USP35: variants seen among roughly 807,000 people sequenced by gnomAD.
USP35 encodes ubiquitin specific peptidase 35.
A neutral mutation model predicts 83.8 loss-of-function variants in USP35; 69 were observed. The ratio of observed to expected loss-of-function variants is 0.82; its 90% CI spans 0.68 to 1.01. The LOEUF (loss-of-function observed/expected upper bound fraction) is 1.01. Among genes scored for constraint, USP35 ranks in the 50% least tolerant of loss-of-function variants. USP35 has a pLI of 0.00. For missense variants in USP35, 1,503 were observed against 1,362.5 expected (o/e 1.10, Z -1.62); for synonymous variants, 714 against 589.5 (o/e 1.21, Z -3.06).
chr11:78,219,314 G>A (rs145964223), downstream of USP35: 376 of 1,613,952 alleles, frequency 2.3e-4, no homozygotes, highest in African/African-American at 4.4e-3. Flanking sequence ...ACTGCCGCAC[G>A]TCTGTCCACT....
At chr11:78,193,155 A>G (rs973020116) in intron 1 of USP35, among the ~76,000 whole-genome samples, 1 of 152,122 alleles carries the variant, frequency 6.6e-6, no homozygotes, top group East Asian at 1.9e-4. Flanking sequence ...CACTGCCTAG[A>G]AAGGGGACCA....
Position 78,196,603 on chromosome 11 carries a change from G to C in USP35, c.358G>C (p.Val120Leu). Residue 120 changes from valine (V) to leucine (L), a missense_variant, in exon 2 of 11, where the codon GTG becomes CTG. By Grantham distance (32) the Val-to-Leu change is conservative. Coordinates refer to ENST00000529308, the MANE Select transcript of USP35 (RefSeq NM_020798.4). The surrounding 1 kb of genome is among the most constrained non-coding windows in gnomAD (Gnocchi z 4.8). Reference sequence around the variant, plus strand: ...GCCCGAGGGGCCTGCGGCCGACGAGGTGTTCGCGCTGCTGCGGCGCGAGGT... The same window carrying C: ...GCCCGAGGGGCCTGCGGCCGACGAGCTGTTCGCGCTGCTGCGGCGCGAGGT... ...LLPEGPAADE[V>L]FALLRREVLR... 1 of 1,276,656 alleles carries C rather than the reference G, an allele frequency of 7.8e-7. No individual in the cohort carries two copies. Among genetic ancestry groups the C allele is most frequent in the Non-Finnish European group, 9.9e-7 (1 of 1,012,662 alleles). The allele number at this position is 1,276,656 out of a possible 1,614,324, so 79.1% of individuals were successfully genotyped here. A position where few individuals can be genotyped will look rare whatever the true frequency, so the allele number is the denominator to read the frequency against.
chr11:78,198,179 C>G, intron 3 of USP35, 111 bp downstream of exon 3: 2 of 1,484,712 alleles, frequency 1.3e-6, no homozygotes, highest in East Asian at 4.5e-5. Context: ...TCAGAGGGCC[C>G]AGGCCCTCAT....
At chr11:78,208,797 A>G (rs1020271469) in intron 8 of USP35, 60 bp from the exon 9 acceptor site, 3 of 1,579,960 alleles carry the variant, frequency 1.9e-6, no homozygotes, top group African/African-American at 1.3e-5. Context: ...TAACCTGTGC[A>G]GAGCTGGCTG....
chr11:78,203,887 C>CTTTTTTTTTTTT (rs200697593), intron 6 of USP35, among the ~76,000 whole-genome samples: 6 of 124,438 alleles, frequency 4.8e-5, no homozygotes, highest in Non-Finnish European at 8.2e-5. Flanking sequence ...CCATATTTTT[C>CTTTTTTTTTTTT]TTTTCTTTTT....
intron 3 of USP35, 76 bp downstream of exon 3, chr11:78,198,144 G>C: frequency 6.3e-7 from 1 of 1,592,550 alleles, no homozygotes; most frequent in Non-Finnish European, 8.5e-7. Flanking sequence ...CTTCTCCTGG[G>C]TGGGCCGCTG....
chr11:78,214,956 C>G lies in USP35; in HGVS notation c.*1143C>G, dbSNP rs1565409307. Among the ~76,000 whole-genome samples, 1 of 152,084 alleles carries G rather than the reference C, an allele frequency of 6.6e-6. No individual in the cohort carries two copies. Among genetic ancestry groups the G allele is most frequent in the Admixed American group, 6.6e-5 (1 of 15,262 alleles). On this transcript the variant is annotated 3_prime_UTR_variant, in exon 11 of 11. Transcript: ENST00000529308. ...TGCACCTGGGAGGCAGCTCTCAAGC[C>G]TTTACCTACCTCCTTCCCCAGGGGC...
intron 1 of USP35, among the ~76,000 whole-genome samples, chr11:78,193,672 C>T (rs1863062208): frequency 6.6e-6 from 1 of 152,174 alleles, no homozygotes; most frequent in Non-Finnish European, 1.5e-5. Context: ...TCCTTGTGCC[C>T]AGCTCAGAGA....
chr11:78,207,535 G>T lies in USP35; in HGVS notation c.1397G>T (p.Arg466Ile). ...GCCCCTGCTTTGTTTTGAAGCTTCA[G>T]ACATTGTGTGCTCCGCTTGACTGAG... is the stretch of plus-strand genomic sequence containing the variant. ...LQALFMASDF[R>I]HCVLRLTENN... Residue 466 changes from arginine (R) to isoleucine (I), a missense_variant, in exon 8 of 11, where the codon AGA becomes ATA. Arg to Ile is a moderately conservative substitution (Grantham distance 97). Coordinates refer to ENST00000529308, the MANE Select transcript of USP35 (RefSeq NM_020798.4). The T allele has an allele frequency of 6.2e-7, 1 of 1,614,070 alleles. No homozygotes were observed. The highest frequency in any genetic ancestry group is 1.7e-5 in the Admixed American group (1 of 60,028).
At chr11:78,235,254 G>A in the USP35 span, among the ~76,000 whole-genome samples, 455 of 151,874 alleles carry the variant, frequency 3.0e-3, 2 homozygotes, top group African/African-American at 0.01. Context: ...CCGGGTTCAC[G>A]CCATTCTCCT....
chr11:78,200,834 C>T (rs749740898), intron 6 of USP35, 26 bp downstream of exon 6: 22 of 1,575,322 alleles, frequency 1.4e-5, no homozygotes, highest in Non-Finnish European at 1.8e-5. Context: ...CTACTTGGGC[C>T]TTGCCCCACT....
rs1009121524 is a variant in USP35, at chr11:78,214,874, GGACT to G, written c.*1070_*1073del. Among the ~76,000 whole-genome samples the G allele has an allele frequency of 1.9e-4, 26 of 137,606 alleles. No homozygotes were observed. The highest frequency in any genetic ancestry group is 1.2e-3 in the East Asian group (5 of 4,264). 90.3% of individuals were successfully genotyped at this position (137,606 alleles called of 152,430 possible). A position where few individuals can be genotyped will look rare whatever the true frequency, so the allele number is the denominator to read the frequency against. On this transcript the variant is annotated 3_prime_UTR_variant, in exon 11 of 11. Transcript: ENST00000529308. ...TGAAGTGGGGTGTAAGTAAACGTGT[GGACT>G]GACTGACTTACTTACCTTACTGAGG...
rs766741197 is a variant in USP35 at position 78,213,723 on chromosome 11, TGATGAAGACAAG to T, written c.2973_2984del (p.Lys993_Asp996del). 3.9e-6 allele frequency: 6 copies of T among 1,534,296 alleles called. No homozygotes were observed. Among genetic ancestry groups the T allele is most frequent in the East Asian group, 2.6e-5 (1 of 38,552 alleles). On this transcript the variant is annotated inframe_deletion, in exon 11 of 11. Coordinates refer to ENST00000529308, the MANE Select transcript of USP35 (RefSeq NM_020798.4). ...CATCTCCGCACTGGGGGAGGGGCTT[TGATGAAGACAAG>T]GATGAGGATGAAGGCTCTCCAGGGG...
the USP35 span, among the ~76,000 whole-genome samples, chr11:78,230,411 C>A: frequency 6.6e-6 from 1 of 152,254 alleles, no homozygotes; most frequent in Admixed American, 6.5e-5. Context: ...ACACCTTACA[C>A]AAAGTCCACA....
chr11:78,220,323 C>T, the USP35 span: 165 of 1,611,998 alleles, frequency 1.0e-4, no homozygotes, highest in Non-Finnish European at 1.3e-4. Flanking sequence ...AGGCACCTTG[C>T]GGTGGGGGCT....
the USP35 span, chr11:78,225,109 A>C: frequency 5.0e-6 from 8 of 1,606,734 alleles, no homozygotes; most frequent in Admixed American, 1.7e-5. Context: ...CACACTCACC[A>C]GGAAAGAGCC....
chr11:78,236,713 T>C, the USP35 span, among the ~76,000 whole-genome samples: 341 of 152,342 alleles, frequency 2.2e-3, 1 homozygote, highest in African/African-American at 7.6e-3. Flanking sequence ...TCTGCATCTA[T>C]TGAGGTTATG....
chr11:78,230,721 G>A, the USP35 span, among the ~76,000 whole-genome samples: 2 of 152,230 alleles, frequency 1.3e-5, no homozygotes, highest in Non-Finnish European at 1.5e-5. Context: ...GTTGAACAAG[G>A]GACTCTTGCC....
chr11:78,224,059 G>A, the USP35 span, among the ~76,000 whole-genome samples: 11 of 152,152 alleles, frequency 7.2e-5, no homozygotes, highest in South Asian at 4.1e-4. Context: ...TCCAGCCTGG[G>A]TGACAGAGTG....
Sources: allele counts gnomAD v4.1 joint callset (sites outside exome capture counted in the v4.1 genomes callset), GRCh38; gene constraint gnomAD v4.1.1; non-coding constraint Gnocchi (gnomAD v3.1); transcripts MANE v1.5; gene names NCBI Gene and HGNC (gene_info 2026-07-23, HGNC 2026-07-21).